Variants in DOCK4 observed in about 807,000 individuals in gnomAD.
The protein encoded by DOCK4 is dedicator of cytokinesis 4, also known as dedicator of cytokinesis protein 4.
Under a neutral mutation model 268.1 loss-of-function variants are expected in DOCK4, and 97 were observed. The ratio of observed to expected loss-of-function variants is 0.36; its 90% confidence interval spans 0.31 to 0.43. The LOEUF (loss-of-function observed/expected upper bound fraction) is 0.43, where lower values mean the gene tolerates loss of function less well. DOCK4 is among the 20% of genes least tolerant of loss of function. The pLI is 1.00. For missense variants in DOCK4, 2,145 were observed against 2,455.7 expected, an observed-to-expected ratio of 0.87 and a Z score of 2.67; for synonymous variants, 954 against 887.2, an observed-to-expected ratio of 1.08 and a Z score of -1.34.
intron 12 of DOCK4, among the ~76,000 whole-genome samples, chr7:111,934,621 C>G (rs1384208808): frequency 1.3e-5 from 2 of 149,022 alleles, no homozygotes; most frequent in East Asian, 4.0e-4. Flanking sequence ...GCTCCGCCTT[C>G]CAGGTTCACG....
At chr7:111,743,990 T>G (rs1306315511) in intron 44 of DOCK4, among the ~76,000 whole-genome samples, 1 of 152,120 alleles carries the variant, frequency 6.6e-6, no homozygotes. Flanking sequence ...CAGCTAGTTT[T>G]TAGGTTTTTG....
intron 41 of DOCK4, among the ~76,000 whole-genome samples, chr7:111,757,116 C>T (rs567025608): frequency 7.2e-5 from 11 of 151,754 alleles, no homozygotes; most frequent in Admixed American, 2.6e-4. Flanking sequence ...CTGAGTGTCG[C>T]GGAGGCTGAG....
chr7:111,974,642 G>A (rs1439697919), intron 8 of DOCK4, among the ~76,000 whole-genome samples: 1 of 151,362 alleles, frequency 6.6e-6, no homozygotes, highest in African/African-American at 2.4e-5. Context: ...GGGAAAAGTG[G>A]AGGGAGAGAC....
rs1804166014 is a variant in DOCK4, at chr7:111,847,073, G to C, written c.2527C>G (p.Gln843Glu). 1 of 1,613,814 alleles carries C rather than the reference G, an allele frequency of 6.2e-7. No individual in the cohort carries two copies. Among genetic ancestry groups the C allele is most frequent in the Non-Finnish European group, 8.5e-7 (1 of 1,179,772 alleles). Residue 843 changes from glutamine to glutamate, a missense_variant, in exon 24 of 53, where the codon CAA (glutamine) becomes GAA (glutamate). Around this residue, in one of 2 missense-constraint regions of DOCK4, gnomAD observed 1,598 missense variants for 1,986.7 expected, o/e 0.80. Coordinates refer to ENST00000428084, the MANE Select transcript of DOCK4 (RefSeq NM_001363540.2). ...CACATGATCAGGTCCTTCTGTTCTTGCAAGTGAATGTGGAGGTGATGTAAC... is the reference window on the plus strand; with the variant it reads ...CACATGATCAGGTCCTTCTGTTCTTCCAAGTGAATGTGGAGGTGATGTAAC... Reference protein sequence around the residue: ...VVLHHLHIHLQEQKDLIMCAR... With the variant: ...VVLHHLHIHLEEQKDLIMCAR...
At chr7:111,759,867 A>G (rs1797266617) in intron 40 of DOCK4, among the ~76,000 whole-genome samples, 2 of 152,066 alleles carry the variant, frequency 1.3e-5, no homozygotes, top group Admixed American at 6.6e-5. Context: ...TCCACAGGAT[A>G]TGTCAAAGGA....
chr7:111,895,742 T>C, intron 15 of DOCK4, 24 bp from the exon 16 acceptor site: 1 of 1,598,304 alleles, frequency 6.3e-7, no homozygotes, highest in African/African-American at 1.3e-5. Flanking sequence ...ATTACTTGCT[T>C]ATTTAAGTGT....
chr7:111,798,157 A>C (rs1042163918), intron 30 of DOCK4, among the ~76,000 whole-genome samples: 2 of 152,208 alleles, frequency 1.3e-5, no homozygotes, highest in African/African-American at 4.8e-5. Context: ...AGGCAGCAAG[A>C]AAAAGCCACC....
chr7:111,843,769 T>C (rs770752728), intron 25 of DOCK4, among the ~76,000 whole-genome samples: 4 of 152,244 alleles, frequency 2.6e-5, no homozygotes, highest in Non-Finnish European at 5.9e-5. Flanking sequence ...ACAGATATAA[T>C]ATTAGACTCA....
At chr7:111,795,183 C>G (rs1287407842) in intron 30 of DOCK4, among the ~76,000 whole-genome samples, 2 of 152,122 alleles carry the variant, frequency 1.3e-5, no homozygotes, top group African/African-American at 2.4e-5. Context: ...AAATAACCAG[C>G]TTCAGCTGGG....
chr7:111,927,902 A>G (rs1390175780), intron 12 of DOCK4, among the ~76,000 whole-genome samples: 1 of 152,174 alleles, frequency 6.6e-6, no homozygotes, highest in Non-Finnish European at 1.5e-5. Flanking sequence ...ATATTGGATG[A>G]AAAGTACATC....
chr7:112,137,053 G>A (rs1184520131), intron 1 of DOCK4, among the ~76,000 whole-genome samples: 1 of 152,132 alleles, frequency 6.6e-6, no homozygotes, highest in African/African-American at 2.4e-5. Context: ...ACCACGTTTA[G>A]AATGCCAAAA....
intron 30 of DOCK4, among the ~76,000 whole-genome samples, chr7:111,801,936 C>T (rs1235168706): frequency 1.3e-5 from 2 of 151,074 alleles, no homozygotes; most frequent in Non-Finnish European, 2.9e-5. Flanking sequence ...CTCCTGACCT[C>T]ATTAACTGCC....
chr7:112,119,687 T>C (rs79236330), intron 1 of DOCK4, among the ~76,000 whole-genome samples: 3,863 of 152,266 alleles, frequency 0.025, 155 homozygotes, highest in African/African-American at 0.086. Flanking sequence ...TCCACCCTTC[T>C]GTGGCCTTGG....
At chr7:111,892,375 G>T (rs917973849) in intron 16 of DOCK4, among the ~76,000 whole-genome samples, 1 of 152,012 alleles carries the variant, frequency 6.6e-6, no homozygotes, top group Non-Finnish European at 1.5e-5. Context: ...TAACTTTTTT[G>T]ATTTTTAGTA....
At chr7:112,000,661 G>GT in intron 2 of DOCK4, 127 bp from the exon 3 acceptor site, 1 of 618,080 alleles carries the variant, frequency 1.6e-6, no homozygotes, top group East Asian at 3.0e-5. Flanking sequence ...GATAAATATG[G>GT]TAGGTATTGG....
intron 39 of DOCK4, among the ~76,000 whole-genome samples, chr7:111,760,781 T>TGA (rs549651799): frequency 0.21 from 29,389 of 143,038 alleles, 3,401 homozygotes; most frequent in South Asian, 0.39. Flanking sequence ...TGTGTGTGTG[T>TGA]GTATTCTGCC....
At chr7:111,762,895 A>C (rs1300058504) in intron 39 of DOCK4, among the ~76,000 whole-genome samples, 8 of 149,890 alleles carry the variant, frequency 5.3e-5, no homozygotes, top group Middle Eastern at 7.0e-3. Flanking sequence ...GCCTCCTAAG[A>C]AACTGGAACC....
intron 24 of DOCK4, 109 bp downstream of exon 24, chr7:111,846,890 G>T: frequency 1.6e-6 from 2 of 1,255,788 alleles, no homozygotes; most frequent in Admixed American, 2.5e-5. Flanking sequence ...GGAAATAAAA[G>T]TGGGTCTCAG....
intron 1 of DOCK4, among the ~76,000 whole-genome samples, chr7:112,038,850 T>C (rs535675890): frequency 2.0e-5 from 3 of 152,378 alleles, no homozygotes; most frequent in African/African-American, 7.2e-5. Context: ...GTTTTGTGAC[T>C]ACAAGCTATT....
Sources: gnomAD v4.1 joint callset for allele counts (sites outside exome capture counted in the v4.1 genomes callset) on GRCh38, gnomAD v4.1.1 for gene constraint, gnomAD v4.1.1 regional missense constraint, MANE v1.5 for transcripts, NCBI Gene and HGNC (gene_info 2026-07-23, HGNC 2026-07-21) for gene names.